Variants in PIEZO2 observed in about 807,000 individuals in gnomAD.
PIEZO2 encodes piezo-type mechanosensitive ion channel component 2.
In PIEZO2, 172 loss-of-function variants were observed where a neutral mutation model predicts 337.3. That is an observed-to-expected ratio of 0.51 (90% CI 0.45 to 0.58). The LOEUF (loss-of-function observed/expected upper bound fraction) is 0.58. PIEZO2 is among the 20% of genes least tolerant of loss of function. The pLI is 0.00. For missense variants in PIEZO2, 3,028 were observed against 3,391.3 expected (o/e 0.89, Z 2.66); for synonymous variants, 1,251 against 1,228.5 (o/e 1.02, Z -0.38).
chr18:11,147,678 A>G (rs964147828), intron 1 of PIEZO2, among the ~76,000 whole-genome samples: 2 of 152,202 alleles, frequency 1.3e-5, no homozygotes, highest in Admixed American at 6.5e-5. Context: ...GAGGAATTCA[A>G]TGTCACAGGC....
intron 2 of PIEZO2, among the ~76,000 whole-genome samples, chr18:11,034,838 C>G (rs2036869086): frequency 2.6e-5 from 4 of 152,120 alleles, no homozygotes; most frequent in Admixed American, 2.6e-4. Context: ...GAGCGAGACT[C>G]CGTCTCAAAC....
intron 4 of PIEZO2, among the ~76,000 whole-genome samples, chr18:10,876,407 A>C (rs2042269764): frequency 6.6e-6 from 1 of 152,234 alleles, no homozygotes; most frequent in Non-Finnish European, 1.5e-5. Flanking sequence ...GCTTTTGGGA[A>C]GTGCTGGGCT....
At chr18:11,071,728 G>A (rs191794569) in intron 1 of PIEZO2, among the ~76,000 whole-genome samples, 15 of 152,290 alleles carry the variant, frequency 9.8e-5, no homozygotes, top group Non-Finnish European at 1.8e-4. Context: ...CTCAGGCAAA[G>A]TGGAAGCAAG....
At chr18:10,691,461 A>G (rs1369877313) in intron 47 of PIEZO2, 78 bp from the exon 48 acceptor site, 6 of 1,396,808 alleles carry the variant, frequency 4.3e-6, no homozygotes, top group Admixed American at 4.0e-5. Context: ...AAATTAAAAC[A>G]ACAGGCCAAC....
In PIEZO2 at chr18:10,819,310, C is replaced by T. The variant is rs1256626144; in HGVS notation, c.918-12036G>A. On this transcript the variant is annotated intron_variant, in intron 7 of 55. Coordinates refer to ENST00000674853, the MANE Select transcript of PIEZO2 (RefSeq NM_001378183.1). The surrounding 1 kb of genome is among the most constrained non-coding windows in gnomAD (Gnocchi z 4.3). ...TGGATAAAGAGGCAATCTTTAAAAA[C>T]GTTAAGTAGAAGAAATTCTTAAAGT... is the stretch of plus-strand genomic sequence containing the variant. Among the ~76,000 whole-genome samples the T allele has an allele frequency of 1.3e-5, 2 of 151,980 alleles. No homozygotes were observed. Among genetic ancestry groups the T allele is most frequent in the Non-Finnish European group, 2.9e-5 (2 of 67,972 alleles).
intron 3 of PIEZO2, among the ~76,000 whole-genome samples, chr18:10,936,918 T>C (rs1018771214): frequency 6.6e-6 from 1 of 152,172 alleles, no homozygotes; most frequent in South Asian, 2.1e-4. Flanking sequence ...CTTTAGCTAC[T>C]GACTCCCTCC....
intron 1 of PIEZO2, among the ~76,000 whole-genome samples, chr18:11,121,850 T>C (rs1237068633): frequency 6.6e-6 from 1 of 152,004 alleles, no homozygotes; most frequent in Non-Finnish European, 1.5e-5. Context: ...TGTAGATAAG[T>C]TCTCCTTGTT....
intron 1 of PIEZO2, among the ~76,000 whole-genome samples, chr18:11,122,358 C>A (rs1285659897): frequency 6.6e-6 from 1 of 152,142 alleles, no homozygotes; most frequent in African/African-American, 2.4e-5. Context: ...AAACAATCAG[C>A]CAGGAACTGT....
At chr18:11,046,327 C>T (rs1230142539) in intron 2 of PIEZO2, among the ~76,000 whole-genome samples, 1 of 152,230 alleles carries the variant, frequency 6.6e-6, no homozygotes, top group African/African-American at 2.4e-5. Flanking sequence ...TCAGCTCACT[C>T]CTATGGGACA....
chr18:10,879,391 CT>C (rs11385433), intron 4 of PIEZO2, among the ~76,000 whole-genome samples: 12 of 106,018 alleles, frequency 1.1e-4, no homozygotes, highest in African/African-American at 3.5e-4. Flanking sequence ...CCTTTCCAAT[CT>C]TTTTTTTTTT....
intron 27 of PIEZO2, among the ~76,000 whole-genome samples, chr18:10,756,271 G>A (rs2037841552): frequency 6.6e-6 from 1 of 150,952 alleles, no homozygotes; most frequent in South Asian, 2.1e-4. Context: ...ATGAGGGATG[G>A]AGATGAAGAG....
At chr18:10,910,037 T>C (rs1318610546) in intron 4 of PIEZO2, among the ~76,000 whole-genome samples, 1 of 152,220 alleles carries the variant, frequency 6.6e-6, no homozygotes, top group Non-Finnish European at 1.5e-5. Flanking sequence ...AAACAATGCA[T>C]TTTCAAGTAT....
chr18:10,760,234 T>C (rs1158090634), intron 24 of PIEZO2, among the ~76,000 whole-genome samples: 1 of 152,216 alleles, frequency 6.6e-6, no homozygotes, highest in Non-Finnish European at 1.5e-5. Context: ...ACAATCGTTT[T>C]AGGTTAAAAC....
At chr18:10,722,740 T>C (rs1318769630) in intron 36 of PIEZO2, among the ~76,000 whole-genome samples, 1 of 152,228 alleles carries the variant, frequency 6.6e-6, no homozygotes, top group Non-Finnish European at 1.5e-5. Context: ...CTAAAGTTTA[T>C]GGAAGAAGTC....
At chr18:10,998,330 AT>A (rs1206848809) in intron 2 of PIEZO2, among the ~76,000 whole-genome samples, 1 of 144,798 alleles carries the variant, frequency 6.9e-6, no homozygotes, top group Non-Finnish European at 1.5e-5. Context: ...TTAAAAAGAT[AT>A]TTGTTTACAC....
rs1568416880 is a variant in PIEZO2, at chr18:11,148,071, C to T, written c.64+454G>A. 6.6e-6 allele frequency among the ~76,000 whole-genome samples: 1 copy of T among 152,114 alleles called. No homozygotes were observed. Among genetic ancestry groups the T allele is most frequent in the African/African-American group, 2.4e-5 (1 of 41,424 alleles). On this transcript the variant is annotated intron_variant, in intron 1 of 55. Coordinates refer to ENST00000674853, the MANE Select transcript of PIEZO2 (RefSeq NM_001378183.1). This position sits in a 1 kb window ranked among gnomAD's most constrained non-coding sequence, Gnocchi z 5.2. ...CCGGAGTCCTTCACTTCTTCCTTCA[C>T]GGTTGCTGGGATTTGGGGTCTGGGA...
At chr18:10,864,819 T>C (rs1193955452) in intron 5 of PIEZO2, among the ~76,000 whole-genome samples, 1 of 151,920 alleles carries the variant, frequency 6.6e-6, no homozygotes, top group Non-Finnish European at 1.5e-5. Flanking sequence ...TGTGCAAGAA[T>C]AAACTGAAGA....
chr18:10,771,094 A>T lies in PIEZO2; in HGVS notation c.2786-786T>A, dbSNP rs1196612718. Among the ~76,000 whole-genome samples, 4 of 152,220 alleles carry T rather than the reference A, an allele frequency of 2.6e-5. No individual in the cohort carries two copies. In the South Asian group the frequency reaches 6.2e-4, roughly 24 times the overall value. ...TTTTCTAATATTCTAGGAATGTTAA[A>T]TAATCTTAACTCCTTCTAAAAGACA... On this transcript the variant is annotated intron_variant, in intron 20 of 55. Coordinates refer to ENST00000674853, the MANE Select transcript of PIEZO2 (RefSeq NM_001378183.1).
intron 1 of PIEZO2, among the ~76,000 whole-genome samples, chr18:11,068,008 G>A (rs1279399188): frequency 1.3e-5 from 2 of 152,130 alleles, no homozygotes; most frequent in East Asian, 1.9e-4. Context: ...TGCAAGCTCC[G>A]CCTCCCAGGT....
Sources: allele counts gnomAD v4.1 joint callset (sites outside exome capture counted in the v4.1 genomes callset), GRCh38; gene constraint gnomAD v4.1.1; non-coding constraint Gnocchi (gnomAD v3.1); transcripts MANE v1.5; gene names NCBI Gene and HGNC (gene_info 2026-07-23, HGNC 2026-07-21).